Variants in GPR149 observed in about 807,000 individuals in gnomAD.
GPR149 encodes the protein G protein-coupled receptor 149.
In GPR149, 50 loss-of-function variants were observed where a neutral mutation model predicts 50.2. That is an observed-to-expected ratio of 1.00 (90% CI 0.79 to 1.26). The LOEUF is 1.26. Among genes scored for constraint, GPR149 ranks in the 50% most tolerant of loss-of-function variants. GPR149 has a pLI of 0.00. For synonymous variants in GPR149, 405 were observed against 358.2 expected (o/e 1.13, Z -1.48); for missense variants, 983 against 895.4 (o/e 1.10, Z -1.25).
At chr3:154,386,446 G>C (rs1416544432) in intron 3 of GPR149, among the ~76,000 whole-genome samples, 1 of 152,232 alleles carries the variant, frequency 6.6e-6, no homozygotes, top group Non-Finnish European at 1.5e-5. Flanking sequence ...AACCTGGGTG[G>C]CACTGTCTCA....
chr3:154,369,610 C>T (rs1025187547), intron 3 of GPR149, among the ~76,000 whole-genome samples: 2 of 152,238 alleles, frequency 1.3e-5, no homozygotes, highest in African/African-American at 4.8e-5. Context: ...CCCAAACTAT[C>T]TCCCTTACAA....
chr3:154,389,861 G>A (rs1715124876), intron 3 of GPR149, among the ~76,000 whole-genome samples: 1 of 152,168 alleles, frequency 6.6e-6, no homozygotes, highest in Non-Finnish European at 1.5e-5. Context: ...CCACTCCCTT[G>A]CTCAATGCAA....
intron 3 of GPR149, among the ~76,000 whole-genome samples, chr3:154,414,654 T>C (rs1432568467): frequency 6.6e-6 from 1 of 152,048 alleles, no homozygotes; most frequent in African/African-American, 2.4e-5. Flanking sequence ...CATCATAAGA[T>C]GTATCAACAT....
At chr3:154,386,921 G>C (rs1715056628) in intron 3 of GPR149, among the ~76,000 whole-genome samples, 1 of 151,940 alleles carries the variant, frequency 6.6e-6, no homozygotes. Context: ...ATTCAACTGG[G>C]ATAAATTCAG....
intron 3 of GPR149, chr3:154,353,935 T>G: frequency 1.9e-6 from 1 of 513,042 alleles, no homozygotes; most frequent in South Asian, 2.0e-5. Context: ...TTTCTTTCTG[T>G]TCACATGTTA....
In GPR149 at chr3:154,429,008, C is replaced by A. The variant is rs778659686; in HGVS notation, c.608G>T (p.Gly203Val). The A allele has an allele frequency of 6.2e-6, 10 of 1,613,906 alleles. No individual in the cohort carries two copies. In the African/African-American group the frequency reaches 9.3e-5, roughly 15 times the overall value. Reference sequence around the variant, plus strand: ...TGGGACTGAGAGGCCCACGAGGAGTCCGAAGGCCAAAGCGTACACGATAGA... The same window carrying A: ...TGGGACTGAGAGGCCCACGAGGAGTACGAAGGCCAAAGCGTACACGATAGA... ...FLSIVYALAF[G>V]LLVGLSVPLT... The change falls in exon 1 of 4, where the codon GGA becomes GTA. Residue 203 changes from glycine (G) to valine (V), a missense_variant. Physicochemically the swap from Gly to Val is moderately radical, Grantham distance 109. Transcript: ENST00000389740.
chr3:154,353,715 A>T (rs1714145055), intron 3 of GPR149: 1 of 1,115,156 alleles, frequency 9.0e-7, no homozygotes, highest in South Asian at 1.3e-5. Flanking sequence ...GCAGCTTTTT[A>T]AAAATTGTTT....
intron 2 of GPR149, among the ~76,000 whole-genome samples, chr3:154,426,831 T>A (rs1008367157): frequency 2.6e-5 from 4 of 151,874 alleles, no homozygotes; most frequent in African/African-American, 7.2e-5. Flanking sequence ...CTTTTTTTTT[T>A]AAACTGAGGG....
rs1341107044 is a variant in GPR149, at chr3:154,351,311, T to TGCAAAAAAAAAAAAAAAAAAAAA, written c.1624-13041_1624-13040insTTTTTTTTTTTTTTTTTTTTTGC. On this transcript the variant is annotated intron_variant, in intron 3 of 3. Transcript: ENST00000389740. ...GTGCTAGGGCAATTAGACATCCACA[T>TGCAAAAAAAAAAAAAAAAAAAAA]ACAAAAAAAAAAAAAAAAAAAAAAA... Among the ~76,000 whole-genome samples the TGCAAAAAAAAAAAAAAAAAAAAA allele has an allele frequency of 4.1e-4, 8 of 19,710 alleles. 3 individuals carry two copies. The highest frequency in any genetic ancestry group is 7.9e-4 in the African/African-American group (4 of 5,036). The allele number at this position is 19,710 out of a possible 152,430, so 12.9% of individuals were successfully genotyped here.
chr3:154,387,266 C>T (rs1487625906), intron 3 of GPR149, among the ~76,000 whole-genome samples: 4 of 152,080 alleles, frequency 2.6e-5, no homozygotes, highest in Non-Finnish European at 4.4e-5. Context: ...CAAAATTACC[C>T]GTGCCTGTAA....
intron 3 of GPR149, among the ~76,000 whole-genome samples, chr3:154,394,714 T>C (rs987497903): frequency 2.0e-5 from 3 of 152,012 alleles, no homozygotes; most frequent in Non-Finnish European, 2.9e-5. Flanking sequence ...ACTCAATGCA[T>C]AGAAAAAGCA....
In GPR149 at chr3:154,387,464, A is replaced by G. The variant is rs115116467; in HGVS notation, c.1623+33575T>C. 3.3e-3 allele frequency among the ~76,000 whole-genome samples: 502 copies of G among 152,296 alleles called. 1 individual carries two copies. Among genetic ancestry groups the G allele is most frequent in the African/African-American group, 0.012 (478 of 41,560 alleles). Reference sequence around the variant, plus strand: ...GAATAATATAGGCCATGTCAGAAGCATACTCATATTCTTCTCACGGTGTCT... The same window carrying G: ...GAATAATATAGGCCATGTCAGAAGCGTACTCATATTCTTCTCACGGTGTCT... On this transcript the variant is annotated intron_variant, in intron 3 of 3. Transcript: ENST00000389740.
In GPR149 at chr3:154,337,682, G is replaced by A. The variant is rs1032193385; in HGVS notation, c.*17C>T. 1.3e-6 allele frequency: 2 copies of A among 1,551,724 alleles called. No individual in the cohort carries two copies. On this transcript the variant is annotated 3_prime_UTR_variant, in exon 4 of 4. Transcript: ENST00000389740. ...ACGTTGCAGATCCATTCTTGCTCCT[G>A]TTAGACCAAATACCCACTAACTACC...
chr3:154,407,732 A>G (rs543469915), intron 3 of GPR149, among the ~76,000 whole-genome samples: 1 of 152,234 alleles, frequency 6.6e-6, no homozygotes, highest in East Asian at 1.9e-4. Flanking sequence ...ATATATATAT[A>G]TATTTCCTAG....
chr3:154,410,533 A>G (rs2108423350), intron 3 of GPR149, among the ~76,000 whole-genome samples: 1 of 152,164 alleles, frequency 6.6e-6, no homozygotes, highest in South Asian at 2.1e-4. Context: ...AGTGAGCAAG[A>G]GTAGCTATTC....
At chr3:154,392,502 A>C (rs1005754485) in intron 3 of GPR149, among the ~76,000 whole-genome samples, 1 of 151,858 alleles carries the variant, frequency 6.6e-6, no homozygotes, top group Non-Finnish European at 1.5e-5. Flanking sequence ...CTCTCAAATA[A>C]TCAACCTAAC....
At chr3:154,404,692 C>T (rs1009864324) in intron 3 of GPR149, among the ~76,000 whole-genome samples, 1 of 152,150 alleles carries the variant, frequency 6.6e-6, no homozygotes, top group Non-Finnish European at 1.5e-5. Flanking sequence ...TTCACAGGCT[C>T]TGATAGACCT....
chr3:154,352,607 G>A, intron 3 of GPR149: 1 of 777,400 alleles, frequency 1.3e-6, no homozygotes, highest in Non-Finnish European at 2.4e-6. Flanking sequence ...ATCAAAGACT[G>A]TGGTTCAAAA....
intron 3 of GPR149, among the ~76,000 whole-genome samples, chr3:154,374,214 G>T (rs1255224100): frequency 1.3e-5 from 1 of 77,626 alleles, no homozygotes; most frequent in South Asian, 4.2e-4. Context: ...GTTTTCTGTT[G>T]CCCAGGCTGG....
Sources: gnomAD v4.1 joint callset for allele counts (sites outside exome capture counted in the v4.1 genomes callset) on GRCh38, gnomAD v4.1.1 for gene constraint, MANE v1.5 for transcripts, NCBI Gene and HGNC (gene_info 2026-07-23, HGNC 2026-07-21) for gene names.